ARHGEF12: variants seen among roughly 807,000 people sequenced by gnomAD.
The protein encoded by ARHGEF12 is Rho guanine nucleotide exchange factor 12.
ARHGEF12 carries 66 observed loss-of-function variants against 211.2 expected under a neutral mutation model. That is an observed-to-expected ratio of 0.31 (90% CI 0.26 to 0.38). The LOEUF is 0.38. ARHGEF12 is among the 10% of genes least tolerant of loss of function. The probability of loss-of-function intolerance (pLI) is 1.00; values close to 1 mark genes in which losing one functional copy is unlikely to be tolerated. For synonymous variants in ARHGEF12, 592 were observed against 638.4 expected (o/e 0.93, Z 1.09); for missense variants, 1,429 against 1,869.5 (o/e 0.76, Z 4.34).
At chr11:120,353,758 G>A (rs568843508) in intron 1 of ARHGEF12, among the ~76,000 whole-genome samples, 137 of 152,326 alleles carry the variant, frequency 9.0e-4, no homozygotes, top group African/African-American at 3.2e-3. Context: ...CTCAGGGTAA[G>A]CTTTGTCCCA....
chr11:120,349,533 A>C (rs1202513551), intron 1 of ARHGEF12, among the ~76,000 whole-genome samples: 1 of 152,166 alleles, frequency 6.6e-6, no homozygotes, highest in Non-Finnish European at 1.5e-5. Context: ...CATGATATAG[A>C]GAAAAGAGCC....
intron 1 of ARHGEF12, among the ~76,000 whole-genome samples, chr11:120,339,664 T>TA (rs1942471213): frequency 6.6e-6 from 1 of 152,248 alleles, no homozygotes; most frequent in African/African-American, 2.4e-5. Flanking sequence ...AGAGTCTGTC[T>TA]GTCCTCAGTT....
At position 120,457,743 on chromosome 11, in the gene ARHGEF12, A is replaced by G; in HGVS notation, c.2212A>G (p.Lys738Glu). ...TAGGGTGACTGAACATGGGACACCAAAGCCCTTTCGAAAGTAAGTAAATCT... is the reference window on the plus strand; with the variant it reads ...TAGGGTGACTGAACATGGGACACCAGAGCCCTTTCGAAAGTAAGTAAATCT... ...VERVTEHGTP[K>E]PFRKFDSVAF... The change falls in exon 24 of 41, where the codon AAG becomes GAG. Residue 738 changes from lysine to glutamate, a missense_variant. Around this residue, in one of 7 missense-constraint regions of ARHGEF12, gnomAD observed 373 missense variants for 467.5 expected, o/e 0.80. Coordinates refer to ENST00000397843, the MANE Select transcript of ARHGEF12 (RefSeq NM_015313.3). 1 of 1,609,152 alleles carries G rather than the reference A, an allele frequency of 6.2e-7. No homozygotes were observed. Among genetic ancestry groups the G allele is most frequent in the Non-Finnish European group, 8.5e-7 (1 of 1,177,886 alleles).
rs756207543 is a variant in ARHGEF12 at position 120,446,491 on chromosome 11, G to A, written c.1434G>A (p.Arg478=). 1.2e-6 allele frequency: 2 copies of A among 1,611,928 alleles called. No homozygotes were observed. The part of the protein sequence containing the change: ...MQERVHPEVQ[R]HLEDFRQKRS... ...AAAGAGTCCATCCAGAAGTTCAAAG[G>A]CACTTAGAAGATTTTCGGTAAGCTT... The change falls in exon 17 of 41, where the codon AGG becomes AGA. Residue 478 remains arginine, a synonymous_variant. Transcript: ENST00000397843.
chr11:120,397,531 C>T (rs1944427201), intron 1 of ARHGEF12, among the ~76,000 whole-genome samples: 1 of 152,230 alleles, frequency 6.6e-6, no homozygotes. Flanking sequence ...TAGACCCAGC[C>T]TAAATATTTA....
chr11:120,352,261 T>A (rs546873252), intron 1 of ARHGEF12, among the ~76,000 whole-genome samples: 1 of 152,346 alleles, frequency 6.6e-6, no homozygotes, highest in African/African-American at 2.4e-5. Context: ...TATATACACA[T>A]CTGTAAACAT....
chr11:120,437,869 T>C (rs1945742659), intron 12 of ARHGEF12, among the ~76,000 whole-genome samples: 1 of 152,240 alleles, frequency 6.6e-6, no homozygotes, highest in Non-Finnish European at 1.5e-5. Flanking sequence ...AGCATATGTC[T>C]TCAGCTTTCA....
At chr11:120,380,032 CT>C (rs1565440328) in intron 1 of ARHGEF12, among the ~76,000 whole-genome samples, 1 of 152,110 alleles carries the variant, frequency 6.6e-6, no homozygotes. Context: ...ATTGTTATCT[CT>C]TCCTTTAAAT....
chr11:120,402,203 A>G (rs1438503479), intron 1 of ARHGEF12, among the ~76,000 whole-genome samples: 2 of 152,102 alleles, frequency 1.3e-5, no homozygotes, highest in Non-Finnish European at 2.9e-5. Context: ...ATTTTAGGGA[A>G]TTTTCATTTA....
intron 8 of ARHGEF12, among the ~76,000 whole-genome samples, chr11:120,429,006 C>T (rs1945442371): frequency 6.6e-6 from 1 of 152,024 alleles, no homozygotes; most frequent in African/African-American, 2.4e-5. Context: ...TATAGGAAGA[C>T]TAATTTGGTA....
intron 22 of ARHGEF12, among the ~76,000 whole-genome samples, chr11:120,455,853 T>C (rs1946345995): frequency 6.6e-6 from 1 of 152,130 alleles, no homozygotes; most frequent in African/African-American, 2.4e-5. Flanking sequence ...AGAAAAGCAT[T>C]TAGAAATGTT....
chr11:120,365,812 C>T (rs375300042), intron 1 of ARHGEF12: 4 of 152,104 alleles, frequency 2.6e-5, no homozygotes, highest in African/African-American at 9.7e-5. Context: ...AAAAAGGGCA[C>T]CTCCCAAGTA....
chr11:120,448,276 G>A lies in ARHGEF12; in HGVS notation c.1665G>A (p.Leu555=). 1 of 1,614,074 alleles carries A rather than the reference G, an allele frequency of 6.2e-7. No individual in the cohort carries two copies. Among genetic ancestry groups the A allele is most frequent in the Non-Finnish European group, 8.5e-7 (1 of 1,179,994 alleles). ...TTATTCTCATGTATATGAAGCATTT[G>A]GGAGTAAAAGTGAAAGAGCCTCGAA... ...QYVILMYMKH[L]GVKVKEPRNL... is the part of the protein sequence containing the mutation. Residue 555 remains leucine (L), a synonymous_variant, in exon 20 of 41, where the codon TTG becomes TTA. Coordinates refer to ENST00000397843, the MANE Select transcript of ARHGEF12 (RefSeq NM_015313.3).
intron 1 of ARHGEF12, among the ~76,000 whole-genome samples, chr11:120,383,683 A>T (rs1943943037): frequency 1.3e-5 from 2 of 152,078 alleles, no homozygotes. Flanking sequence ...AATGCGAGTG[A>T]TGGGGAGCAG....
At chr11:120,401,276 G>A (rs911335254) in intron 1 of ARHGEF12, among the ~76,000 whole-genome samples, 48 of 152,252 alleles carry the variant, frequency 3.2e-4, no homozygotes, top group African/African-American at 1.0e-3. Flanking sequence ...CGAGGTAAGC[G>A]AGTGGTCACT....
At chr11:120,427,547 A>G (rs2135710160) in intron 7 of ARHGEF12, among the ~76,000 whole-genome samples, 1 of 151,782 alleles carries the variant, frequency 6.6e-6, no homozygotes. Context: ...TAAAAAAAAA[A>G]AACATTGCAG....
At chr11:120,444,133 C>T (rs983318409) in intron 15 of ARHGEF12, among the ~76,000 whole-genome samples, 5 of 152,098 alleles carry the variant, frequency 3.3e-5, no homozygotes, top group Admixed American at 6.6e-5. Flanking sequence ...TGGGACATAG[C>T]GGGGTCACTT....
At chr11:120,476,544 G>A in intron 33 of ARHGEF12, 117 bp from the exon 34 acceptor site, 1 of 547,612 alleles carries the variant, frequency 1.8e-6, no homozygotes. Context: ...GAATTTTAAA[G>A]TAAATATATG....
At chr11:120,375,865 T>G (rs1285057686) in intron 1 of ARHGEF12, among the ~76,000 whole-genome samples, 1 of 152,174 alleles carries the variant, frequency 6.6e-6, no homozygotes, top group Non-Finnish European at 1.5e-5. Flanking sequence ...TTCTTGTTCT[T>G]GATGGTTTTG....
Sources: allele counts gnomAD v4.1 joint callset (sites outside exome capture counted in the v4.1 genomes callset), GRCh38; gene constraint gnomAD v4.1.1; regional missense constraint gnomAD v4.1.1; transcripts MANE v1.5; gene names NCBI Gene and HGNC (gene_info 2026-07-23, HGNC 2026-07-21).